SELENOF: variants seen among roughly 807,000 people sequenced by gnomAD.
SELENOF encodes the protein selenoprotein F, also known as 15 kDa selenoprotein.
In SELENOF, 16 loss-of-function variants were observed where a neutral mutation model predicts 20.5. The observed-to-expected ratio is 0.78, with a 90% CI of 0.53 to 1.19. SELENOF has a LOEUF of 1.19. SELENOF is among the 50% of genes most tolerant of loss of function. The probability of loss-of-function intolerance (pLI) is 0.00; values close to 1 mark genes in which losing one functional copy is unlikely to be tolerated. For missense variants in SELENOF, 215 were observed against 194.2 expected (o/e 1.11, Z -0.64); for synonymous variants, 78 against 74.5 (o/e 1.05, Z -0.24).
At chr1:86,864,047 G>T (rs189400079) in intron 4 of SELENOF, among the ~76,000 whole-genome samples, 1 of 152,324 alleles carries the variant, frequency 6.6e-6, no homozygotes, top group Non-Finnish European at 1.5e-5. Context: ...TAACAAGTAT[G>T]TAATGCCCAC....
intron 2 of SELENOF, chr1:86,887,322 G>GA (rs1182708734): frequency 7.2e-6 from 8 of 1,106,430 alleles, no homozygotes; most frequent in Non-Finnish European, 9.6e-6. Flanking sequence ...ACTAAATTCT[G>GA]AAAAAATACA....
chr1:86,867,661 CA>C (rs1658637900), intron 4 of SELENOF, among the ~76,000 whole-genome samples: 1 of 151,916 alleles, frequency 6.6e-6, no homozygotes, highest in Non-Finnish European at 1.5e-5. Flanking sequence ...ATGCATTTGG[CA>C]AAACTCCTAT....
chr1:86,881,684 T>G lies in SELENOF; in HGVS notation c.253-959A>C, dbSNP rs116392221. On this transcript the variant is annotated intron_variant, in intron 2 of 4. Transcript: ENST00000331835. The stretch of plus-strand genomic sequence containing the variant: ...CCTATGCATGTTTATTTAAAATAGT[T>G]TGGAAAATACAGAAAGGCATAAAGT... 6.2e-3 allele frequency among the ~76,000 whole-genome samples: 946 copies of G among 152,222 alleles called. 11 individuals are homozygous for G. The highest frequency in any genetic ancestry group is 0.022 in the African/African-American group (912 of 41,518).
At chr1:86,897,034 G>C (rs761327827) in intron 2 of SELENOF, among the ~76,000 whole-genome samples, 2 of 152,152 alleles carry the variant, frequency 1.3e-5, no homozygotes, top group Non-Finnish European at 2.9e-5. Flanking sequence ...GGCCGGGCAC[G>C]GTGGCTCACG....
At chr1:86,883,107 CAAGAGCGAGACTTGTCTCA>C (rs1428326457) in intron 2 of SELENOF, among the ~76,000 whole-genome samples, 3 of 128,480 alleles carry the variant, frequency 2.3e-5, no homozygotes, top group African/African-American at 8.9e-5. Context: ...ACCTGGGGGA[CAAGAGCGAGACTTGTCTCA>C]AAAAAAAAAA....
intron 3 of SELENOF, among the ~76,000 whole-genome samples, chr1:86,874,868 T>G (rs1463509882): frequency 6.6e-6 from 1 of 152,176 alleles, no homozygotes; most frequent in African/African-American, 2.4e-5. Flanking sequence ...ATATAGAGAA[T>G]GGCAACAATA....
Position 86,903,180 on chromosome 1 carries a change from A to G in SELENOF, c.252+101T>C, listed in dbSNP as rs545070302. On this transcript the variant is annotated intron_variant, in intron 2 of 4. Coordinates refer to ENST00000331835, the MANE Select transcript of SELENOF (RefSeq NM_004261.5). Reference sequence around the variant, plus strand: ...GTTGAGTTTTACTAAAAAATGTAAAAGCTTAGAGGCTTTTTTACACTTAAA... The same window carrying G: ...GTTGAGTTTTACTAAAAAATGTAAAGGCTTAGAGGCTTTTTTACACTTAAA... 4.0e-4 allele frequency: 415 copies of G among 1,047,636 alleles called. 3 individuals are homozygous for G. In the South Asian group the frequency reaches 5.7e-3, roughly 14 times the overall value. The allele number at this position is 1,047,636 out of a possible 1,614,324, so 64.9% of individuals were successfully genotyped here.
intron 4 of SELENOF, among the ~76,000 whole-genome samples, chr1:86,865,049 T>G (rs1041722602): frequency 9.9e-5 from 15 of 151,846 alleles, no homozygotes; most frequent in African/African-American, 3.4e-4. Flanking sequence ...CAAAAGGAAA[T>G]AAGAAATTAG....
At chr1:86,866,321 T>C (rs950197550) in intron 4 of SELENOF, among the ~76,000 whole-genome samples, 2 of 143,536 alleles carry the variant, frequency 1.4e-5, no homozygotes, top group Non-Finnish European at 3.0e-5. Context: ...CAATACAACA[T>C]GGATGAACCC....
At chr1:86,878,160 A>G (rs1056820543) in intron 3 of SELENOF, among the ~76,000 whole-genome samples, 3 of 152,236 alleles carry the variant, frequency 2.0e-5, no homozygotes, top group Non-Finnish European at 4.4e-5. Flanking sequence ...TGACTAAGAA[A>G]TATGATCTGA....
intron 2 of SELENOF, among the ~76,000 whole-genome samples, chr1:86,886,304 C>A (rs1476957269): frequency 6.6e-6 from 1 of 152,078 alleles, no homozygotes; most frequent in Non-Finnish European, 1.5e-5. Flanking sequence ...CTGCCTTATA[C>A]TATGTTATAT....
At chr1:86,864,640 C>CTT (rs138955916) in intron 4 of SELENOF, among the ~76,000 whole-genome samples, 3 of 138,808 alleles carry the variant, frequency 2.2e-5, no homozygotes, top group Admixed American at 7.3e-5. Flanking sequence ...GGTCAGGTTA[C>CTT]TTTTTTTTTT....
intron 1 of SELENOF, among the ~76,000 whole-genome samples, chr1:86,903,663 C>T (rs756256401): frequency 6.6e-5 from 10 of 151,916 alleles, no homozygotes; most frequent in African/African-American, 1.9e-4. Context: ...GGTGCAACCT[C>T]GGCTCACTGC....
At chr1:86,870,834 T>C (rs955500658) in intron 3 of SELENOF, among the ~76,000 whole-genome samples, 3 of 152,090 alleles carry the variant, frequency 2.0e-5, no homozygotes, top group Non-Finnish European at 2.9e-5. Flanking sequence ...TTAGCCAGGA[T>C]GGTCTCAATC....
chr1:86,883,482 G>A (rs1460301742), intron 2 of SELENOF, among the ~76,000 whole-genome samples: 2 of 151,820 alleles, frequency 1.3e-5, no homozygotes, highest in Non-Finnish European at 2.9e-5. Flanking sequence ...GTACACTAGT[G>A]TATAGTGTAC....
At chr1:86,887,113 A>T (rs1169634687) in intron 2 of SELENOF, 1 of 1,479,828 alleles carries the variant, frequency 6.8e-7, no homozygotes, top group Non-Finnish European at 9.0e-7. Flanking sequence ...TTCATCTTCA[A>T]GTCTTCCCCA....
chr1:86,914,113 T>C lies in SELENOF; in HGVS notation c.-2A>G, dbSNP rs1455364788. On this transcript the variant is annotated 5_prime_UTR_variant, in exon 1 of 5. Coordinates refer to ENST00000331835, the MANE Select transcript of SELENOF (RefSeq NM_004261.5). Reference sequence around the variant, plus strand: ...CGGCCCAGCCGCCATCGCTACCATTTTCCGCAGGTTTCTGGCTGCCTAGAA... The same window carrying C: ...CGGCCCAGCCGCCATCGCTACCATTCTCCGCAGGTTTCTGGCTGCCTAGAA... 1 of 1,611,480 alleles carries C rather than the reference T, an allele frequency of 6.2e-7. No homozygotes were observed. The highest frequency in any genetic ancestry group is 1.3e-5 in the African/African-American group (1 of 74,886).
intron 2 of SELENOF, among the ~76,000 whole-genome samples, chr1:86,894,291 G>A (rs969241911): frequency 1.3e-5 from 2 of 151,138 alleles, no homozygotes; most frequent in Non-Finnish European, 2.9e-5. Flanking sequence ...AATATTAGTA[G>A]AAAAATTTGA....
At chr1:86,911,786 T>C (rs1205052605) in intron 1 of SELENOF, among the ~76,000 whole-genome samples, 2 of 85,372 alleles carry the variant, frequency 2.3e-5, no homozygotes, top group African/African-American at 6.7e-5. Context: ...AAATGACTAT[T>C]TTTTTTTTTT....
Sources: gnomAD v4.1 joint callset for allele counts (sites outside exome capture counted in the v4.1 genomes callset) on GRCh38, gnomAD v4.1.1 for gene constraint, MANE v1.5 for transcripts, NCBI Gene and HGNC (gene_info 2026-07-23, HGNC 2026-07-21) for gene names.